The following BBS9 variants were observed in gnomAD, a reference collection of about 807,000 sequenced individuals.
BBS9 encodes the protein Bardet-Biedl syndrome 9.
Under a neutral mutation model 117.7 loss-of-function variants are expected in BBS9, and 89 were observed. The observed-to-expected ratio is 0.76, with a 90% CI of 0.64 to 0.90. The LOEUF (loss-of-function observed/expected upper bound fraction) is 0.90. Among genes scored for constraint, BBS9 ranks in the 40% least tolerant of loss-of-function variants. The pLI, the probability that BBS9 is intolerant of heterozygous loss-of-function variation, is 0.00. For missense variants in BBS9, 982 were observed against 1,042.2 expected (o/e 0.94, Z 0.80); for synonymous variants, 379 against 370.9 (o/e 1.02, Z -0.25).
chr7:33,177,796 C>T, intron 5 of BBS9: 2 of 570,098 alleles, frequency 3.5e-6, no homozygotes, highest in Non-Finnish European at 6.3e-6. Context: ...GGAAGCTAAT[C>T]AGGGTCAGGC....
intron 16 of BBS9, among the ~76,000 whole-genome samples, chr7:33,364,903 AT>A (rs910932439): frequency 1.1e-4 from 16 of 150,216 alleles, no homozygotes; most frequent in African/African-American, 3.9e-4. Context: ...TAATTTTCTT[AT>A]TTTTTGTAGA....
At chr7:33,620,088 C>T (rs764802392) in intron 21 of BBS9, among the ~76,000 whole-genome samples, 62 of 151,562 alleles carry the variant, frequency 4.1e-4, no homozygotes, top group Non-Finnish European at 7.5e-4. Context: ...ATAATGCAAA[C>T]CTTTAGCTAG....
intron 9 of BBS9, among the ~76,000 whole-genome samples, chr7:33,278,935 G>A (rs921291580): frequency 2.6e-5 from 4 of 152,290 alleles, no homozygotes; most frequent in South Asian, 2.1e-4. Context: ...TTTAATTGAC[G>A]CACATCTAGC....
At chr7:33,498,920 T>A (rs1381396761) in intron 19 of BBS9, among the ~76,000 whole-genome samples, 1 of 152,164 alleles carries the variant, frequency 6.6e-6, no homozygotes, top group Non-Finnish European at 1.5e-5. Context: ...TATGTTTAAC[T>A]TTTTGAGGAG....
intron 19 of BBS9, among the ~76,000 whole-genome samples, chr7:33,431,122 G>A (rs960907009): frequency 1.3e-5 from 2 of 151,760 alleles, no homozygotes; most frequent in Non-Finnish European, 2.9e-5. Context: ...TTGAGCCTGG[G>A]AGGCAGAGGT....
intron 19 of BBS9, among the ~76,000 whole-genome samples, chr7:33,461,783 A>C (rs1839502738): frequency 6.6e-6 from 1 of 151,998 alleles, no homozygotes; most frequent in South Asian, 2.1e-4. Context: ...AAATAGAATT[A>C]ATTTTTTTCT....
chr7:33,222,276 T>A (rs1302296908), intron 5 of BBS9, among the ~76,000 whole-genome samples: 1 of 152,170 alleles, frequency 6.6e-6, no homozygotes, highest in Non-Finnish European at 1.5e-5. Flanking sequence ...TCAAATTGAT[T>A]TTTTGGTTGG....
chr7:33,188,080 A>ATGTGTGTGTGTGTGTGTGTGTGTGTG (rs145485929), intron 5 of BBS9, among the ~76,000 whole-genome samples: 2 of 73,070 alleles, frequency 2.7e-5, no homozygotes, highest in African/African-American at 1.2e-4. Context: ...AGTTGAGTGA[A>ATGTGTGTGTGTGTGTGTGTGTGTGTG]TGTGTGTGTG....
intron 17 of BBS9, among the ~76,000 whole-genome samples, chr7:33,381,687 C>T (rs191102339): frequency 2.0e-5 from 3 of 152,166 alleles, no homozygotes; most frequent in Admixed American, 2.0e-4. Flanking sequence ...TTAAGGAAAA[C>T]ACCTAATCAG....
At chr7:33,547,385 G>A (rs939966234) in intron 21 of BBS9, among the ~76,000 whole-genome samples, 2 of 152,198 alleles carry the variant, frequency 1.3e-5, no homozygotes, top group African/African-American at 4.8e-5. Context: ...ATAGCAAGAT[G>A]AGAGTGCCAA....
intron 5 of BBS9, among the ~76,000 whole-genome samples, chr7:33,249,670 A>T (rs961511162): frequency 1.3e-5 from 2 of 152,198 alleles, no homozygotes; most frequent in Admixed American, 1.3e-4. Context: ...TAAAATCCAG[A>T]TTTTAAATTC....
chr7:33,209,016 C>A (rs1787506455), intron 5 of BBS9, among the ~76,000 whole-genome samples: 1 of 152,100 alleles, frequency 6.6e-6, no homozygotes, highest in African/African-American at 2.4e-5. Context: ...CTATAGTCAT[C>A]CTATTATGCT....
intron 5 of BBS9, among the ~76,000 whole-genome samples, chr7:33,254,282 G>T (rs1796676193): frequency 1.3e-5 from 2 of 151,950 alleles, no homozygotes; most frequent in African/African-American, 4.8e-5. Context: ...TCTTAATAAT[G>T]CTATAATTTA....
chr7:33,397,352 A>G (rs1439985838), intron 19 of BBS9, among the ~76,000 whole-genome samples: 1 of 152,178 alleles, frequency 6.6e-6, no homozygotes, highest in Non-Finnish European at 1.5e-5. Context: ...AGAAAAAGGA[A>G]CACTTTTATA....
rs139791460 is a variant in BBS9 at position 33,466,532 on chromosome 7, G to A, written c.2116-38931G>A. Among the ~76,000 whole-genome samples the A allele has an allele frequency of 2.5e-3, 375 of 152,232 alleles. 3 individuals are homozygous for A. The highest frequency in any genetic ancestry group is 3.5e-3 in the Non-Finnish European group (235 of 68,000). The stretch of plus-strand genomic sequence containing the variant: ...TGTGTATGTGTGTGTATATATATGT[G>A]TGTGTGTTTACATACCATTTATTCT... On this transcript the variant is annotated intron_variant, in intron 19 of 22. Transcript: ENST00000242067.
chr7:33,302,063 A>G (rs1222499750), intron 9 of BBS9, among the ~76,000 whole-genome samples: 1 of 152,036 alleles, frequency 6.6e-6, no homozygotes, highest in Non-Finnish European at 1.5e-5. Flanking sequence ...CTTGTTTGCC[A>G]TTTGTATGTC....
intron 21 of BBS9, among the ~76,000 whole-genome samples, chr7:33,551,233 G>C (rs1014435513): frequency 6.6e-6 from 1 of 152,202 alleles, no homozygotes; most frequent in African/African-American, 2.4e-5. Context: ...CCAGGCCCCA[G>C]TTGACTGCCG....
intron 19 of BBS9, among the ~76,000 whole-genome samples, chr7:33,426,920 C>A (rs1035264662): frequency 2.0e-5 from 3 of 151,960 alleles, no homozygotes; most frequent in South Asian, 2.1e-4. Context: ...TAGAGAATAC[C>A]CTTAGACAAC....
intron 5 of BBS9, among the ~76,000 whole-genome samples, chr7:33,192,765 G>A (rs1297865072): frequency 6.6e-6 from 1 of 152,182 alleles, no homozygotes. Context: ...GGTTCAGTGT[G>A]CAGCTAGGGC....
Sources: gnomAD v4.1 joint callset for allele counts (sites outside exome capture counted in the v4.1 genomes callset) on GRCh38, gnomAD v4.1.1 for gene constraint, MANE v1.5 for transcripts, NCBI Gene and HGNC (gene_info 2026-07-23, HGNC 2026-07-21) for gene names.